Variants in PROSER1 observed in about 807,000 individuals in gnomAD.
The protein encoded by PROSER1 is proline and serine-rich protein 1.
PROSER1 carries 36 observed loss-of-function variants against 71.8 expected under a neutral mutation model. The observed-to-expected ratio is 0.50, with a 90% CI of 0.38 to 0.66. The LOEUF (loss-of-function observed/expected upper bound fraction) is 0.66. Ranked by LOEUF, PROSER1 falls within the 30% of genes least tolerant of loss-of-function variation. PROSER1 has a pLI of 0.00. For missense variants in PROSER1, 1,107 were observed against 1,135.0 expected (o/e 0.98, Z 0.35); for synonymous variants, 490 against 452.4 (o/e 1.08, Z -1.06).
intron 3 of PROSER1, 82 bp from the exon 4 acceptor site, chr13:39,029,457 G>A: frequency 1.5e-6 from 1 of 680,954 alleles, no homozygotes; most frequent in Non-Finnish European, 2.4e-6. Context: ...ACAGTTAAAT[G>A]CTCTTAATAT....
rs757875799 is a variant in PROSER1 at position 39,026,246 on chromosome 13, G to A, written c.480+31C>T. 2.2e-6 allele frequency: 3 copies of A among 1,384,726 alleles called. No homozygotes were observed. In the Admixed American group the frequency reaches 5.3e-5, roughly 24 times the overall value. The allele number at this position is 1,384,726 out of a possible 1,614,324, so 85.8% of individuals were successfully genotyped here. On this transcript the variant is annotated intron_variant, in intron 6 of 12. Transcript: ENST00000352251. ...TACACTTCATACTTAACCATGAGAAGTTTCATATACAGCTACAGAAGTATG... is the reference window on the plus strand; with the variant it reads ...TACACTTCATACTTAACCATGAGAAATTTCATATACAGCTACAGAAGTATG...
At position 39,014,232 on chromosome 13, in the gene PROSER1, A is replaced by T. The variant is rs780743428; in HGVS notation, c.1020T>A (p.Pro340=). Residue 340 remains proline, a synonymous_variant, in exon 11 of 13, where the codon CCT becomes CCA. Transcript: ENST00000352251. ...SIPNPTVIRT[P]SLPTAPVTSI... is the part of the protein sequence containing the mutation. ...ATGTAACAGGTGCAGTGGGCAATGAAGGGGTTCTGATAACTGTTGGGTTTG... is the reference window on the plus strand; with the variant it reads ...ATGTAACAGGTGCAGTGGGCAATGATGGGGTTCTGATAACTGTTGGGTTTG... 6.2e-7 allele frequency: 1 copy of T among 1,614,046 alleles called. No homozygotes were observed. Among genetic ancestry groups the T allele is most frequent in the Admixed American group, 1.7e-5 (1 of 59,998 alleles).
At position 39,014,387 on chromosome 13, in the gene PROSER1, C is replaced by G; in HGVS notation, c.865G>C (p.Val289Leu). The G allele has an allele frequency of 3.1e-6, 5 of 1,613,968 alleles. No homozygotes were observed. Among genetic ancestry groups the G allele is most frequent in the Non-Finnish European group, 4.2e-6 (5 of 1,180,006 alleles). ...GCTGATGGATGATTAATTGCCTTGA[C>G]TGGGGATGCAGTAGGAACAGGAGTT... ...AATPVPTASP[V>L]KAINHPSASA... is the part of the protein sequence containing the mutation. Residue 289 changes from valine (V) to leucine (L), a missense_variant, in exon 11 of 13, where the codon GTC becomes CTC. Transcript: ENST00000352251.
In PROSER1 at chr13:39,028,307, C is replaced by T; in HGVS notation, c.289G>A (p.Ala97Thr). ...LELLASNIID[A>T]QNSRPIEDLF... ...TCTTCAATAGGACGAGAATTCTGTGCATCAATAATGTTCCTACCAAGAAAA... is the reference window on the plus strand; with the variant it reads ...TCTTCAATAGGACGAGAATTCTGTGTATCAATAATGTTCCTACCAAGAAAA... Residue 97 changes from alanine to threonine, a missense_variant, in exon 5 of 13, where the codon GCA becomes ACA. By Grantham distance (58) the Ala-to-Thr change is moderately conservative (BLOSUM62 0). Coordinates refer to ENST00000352251, the MANE Select transcript of PROSER1 (RefSeq NM_025138.5). 1 of 1,588,362 alleles carries T rather than the reference C, an allele frequency of 6.3e-7. No homozygotes were observed. The highest frequency in any genetic ancestry group is 8.6e-7 in the Non-Finnish European group (1 of 1,157,666).
chr13:39,034,092 T>C (rs547105964), intron 2 of PROSER1, 39 bp downstream of exon 2: 1 of 1,441,516 alleles, frequency 6.9e-7, no homozygotes, highest in Non-Finnish European at 9.4e-7. Flanking sequence ...AACATTGGTA[T>C]AAAAAGAAAG....
In PROSER1 at chr13:39,017,579, T is replaced by G. The variant is rs776190129; in HGVS notation, c.731-35A>C. ...AATAAATAAAAGTTCATTTTAAACTTTAATCAAATATTTGCCACCATAATA... is the reference window on the plus strand; with the variant it reads ...AATAAATAAAAGTTCATTTTAAACTGTAATCAAATATTTGCCACCATAATA... On this transcript the variant is annotated intron_variant, in intron 9 of 12. Coordinates refer to ENST00000352251, the MANE Select transcript of PROSER1 (RefSeq NM_025138.5). 6 of 1,135,676 alleles carry G rather than the reference T, an allele frequency of 5.3e-6. No individual in the cohort carries two copies. The South Asian group carries it at 8.5e-5, about 16-fold the overall frequency. 70.3% of individuals were successfully genotyped at this position (1,135,676 alleles called of 1,614,324 possible). A position where few individuals can be genotyped will look rare whatever the true frequency, so the allele number is the denominator to read the frequency against.
rs554527272 is a variant in PROSER1 at position 39,013,807 on chromosome 13, T to C, written c.1445A>G (p.Asn482Ser). ...GGATAAAGCAGAGGAGTTGATTAAA[T>C]TGGTGTCATTGGATGTCAGAAAACC... ...LKGFLTSNDT[N>S]LINSSALSSA... The change falls in exon 11 of 13, where the codon AAT (asparagine) becomes AGT (serine). Residue 482 changes from asparagine to serine, a missense_variant. Asn to Ser is a conservative substitution (Grantham distance 46, BLOSUM62 1). Coordinates refer to ENST00000352251, the MANE Select transcript of PROSER1 (RefSeq NM_025138.5). The C allele has an allele frequency of 1.9e-6, 3 of 1,614,180 alleles. No individual in the cohort carries two copies. Among genetic ancestry groups the C allele is most frequent in the African/African-American group, 1.3e-5 (1 of 75,042 alleles).
chr13:39,033,870 C>A (rs1257583810), intron 2 of PROSER1, among the ~76,000 whole-genome samples: 1 of 152,020 alleles, frequency 6.6e-6, no homozygotes, highest in Non-Finnish European at 1.5e-5. Flanking sequence ...ATATTGTGCC[C>A]AGAACCATAA....
intron 10 of PROSER1, 133 bp from the exon 11 acceptor site, chr13:39,014,609 G>A (rs1412141757): frequency 4.4e-6 from 3 of 685,518 alleles, no homozygotes; most frequent in East Asian, 5.5e-5. Flanking sequence ...ACAGGCTCTT[G>A]TAATATCTAA....
At chr13:39,027,234 T>C (rs759420966) in intron 5 of PROSER1, among the ~76,000 whole-genome samples, 30 of 152,134 alleles carry the variant, frequency 2.0e-4, no homozygotes, top group African/African-American at 3.4e-4. Context: ...TCATCTGAAT[T>C]TTTGGCTATA....
chr13:39,022,399 A>G lies in PROSER1; in HGVS notation c.657T>C (p.Asn219=). The G allele has an allele frequency of 6.2e-7, 1 of 1,611,804 alleles. No homozygotes were observed. Among genetic ancestry groups the G allele is most frequent in the Non-Finnish European group, 8.5e-7 (1 of 1,177,904 alleles). The change falls in exon 9 of 13, where the codon AAT becomes AAC. Residue 219 remains asparagine, a synonymous_variant. Coordinates refer to ENST00000352251, the MANE Select transcript of PROSER1 (RefSeq NM_025138.5). ...CATTCGCTAATGGTACCAGACCTGC[A>G]TTGTTATAAGCACCTAAAATAAAAA... ...HATIAPSAYN[N]AGLVPLANVI...
At position 39,013,992 on chromosome 13, in the gene PROSER1, T is replaced by C. The variant is rs1869858498; in HGVS notation, c.1260A>G (p.Pro420=). Residue 420 remains proline (P), a synonymous_variant, in exon 11 of 13, where the codon CCA becomes CCG. Coordinates refer to ENST00000352251, the MANE Select transcript of PROSER1 (RefSeq NM_025138.5). The part of the protein sequence containing the change: ...TSSSAASTSN[P]NSASLSSVFA... ...AAACTGATGACAATGAAGCAGAATT[T>C]GGGTTGCTGGTAGAAGCAGCAGAAG... 1 of 1,613,984 alleles carries C rather than the reference T, an allele frequency of 6.2e-7. No individual in the cohort carries two copies. The highest frequency in any genetic ancestry group is 8.5e-7 in the Non-Finnish European group (1 of 1,180,026).
At chr13:39,024,641 AC>A (rs1464302665) in intron 6 of PROSER1, 85 bp from the exon 7 acceptor site, 3 of 948,086 alleles carry the variant, frequency 3.2e-6, no homozygotes, top group Non-Finnish European at 4.7e-6. Flanking sequence ...ACTGTATTAC[AC>A]TGAAGAAAAG....
At chr13:39,026,422 A>T (rs1425376430) in intron 5 of PROSER1, 35 bp from the exon 6 acceptor site, 2 of 1,411,508 alleles carry the variant, frequency 1.4e-6, no homozygotes, top group African/African-American at 2.9e-5. Context: ...TAGGAAAAAA[A>T]TTCTTAAAAG....
At chr13:39,024,383 G>T in intron 7 of PROSER1, 90 bp downstream of exon 7, 1 of 905,212 alleles carries the variant, frequency 1.1e-6, no homozygotes, top group Non-Finnish European at 1.7e-6. Flanking sequence ...TTCAAACTTT[G>T]CAACACAAAA....
intron 1 of PROSER1, among the ~76,000 whole-genome samples, chr13:39,036,093 A>G (rs1179112078): frequency 6.6e-6 from 1 of 152,184 alleles, no homozygotes; most frequent in Non-Finnish European, 1.5e-5. Flanking sequence ...CTCACCAATT[A>G]TTTTCTCATG....
In PROSER1 at chr13:39,012,766, G is replaced by C; in HGVS notation, c.2486C>G (p.Ser829Cys). Residue 829 changes from serine (S) to cysteine (C), a missense_variant, in exon 11 of 13, where the codon TCC becomes TGC. Ser to Cys is a moderately radical substitution (Grantham distance 112). Transcript: ENST00000352251. The part of the protein sequence containing the change: ...TPLPVAATAP[S>C]PAPVLPGFAS... ...GAATCCTGGGAGGACTGGAGCTGGGGATGGGGCTGTGGCAGCCACAGGTAG... is the reference window on the plus strand; with the variant it reads ...GAATCCTGGGAGGACTGGAGCTGGGCATGGGGCTGTGGCAGCCACAGGTAG... 1.9e-6 allele frequency: 3 copies of C among 1,613,968 alleles called. No individual in the cohort carries two copies. The highest frequency in any genetic ancestry group is 2.5e-6 in the Non-Finnish European group (3 of 1,179,900).
At chr13:39,020,505 A>C (rs1447183976) in intron 9 of PROSER1, among the ~76,000 whole-genome samples, 1 of 152,144 alleles carries the variant, frequency 6.6e-6, no homozygotes, top group African/African-American at 2.4e-5. Context: ...ACACACTACA[A>C]ATCTGGTAGT....
intron 1 of PROSER1, among the ~76,000 whole-genome samples, chr13:39,036,484 T>C (rs968089126): frequency 3.3e-5 from 5 of 152,152 alleles, no homozygotes; most frequent in African/African-American, 4.8e-5. Context: ...GTAACAATGG[T>C]ACATCAAGTC....
Sources: gnomAD v4.1 joint callset for allele counts (sites outside exome capture counted in the v4.1 genomes callset) on GRCh38, gnomAD v4.1.1 for gene constraint, MANE v1.5 for transcripts, NCBI Gene and HGNC (gene_info 2026-07-23, HGNC 2026-07-21) for gene names.